Variants in HS6ST1 observed in about 807,000 individuals in gnomAD.
HS6ST1 encodes the protein heparan-sulfate 6-O-sulfotransferase 1.
Under a neutral mutation model 25.2 loss-of-function variants are expected in HS6ST1, and 3 were observed. That is an observed-to-expected ratio of 0.12 (90% CI 0.05 to 0.31). HS6ST1 has a LOEUF of 0.31. Among genes scored for constraint, HS6ST1 ranks in the 10% least tolerant of loss-of-function variants. The pLI is 1.00. For synonymous variants in HS6ST1, 204 were observed against 275.1 expected, an observed-to-expected ratio of 0.74 and a Z score of 2.56; for missense variants, 310 against 609.6, an observed-to-expected ratio of 0.51 and a Z score of 5.18.
At chr2:128,305,779 G>A (rs1165042039) in intron 1 of HS6ST1, among the ~76,000 whole-genome samples, 1 of 152,232 alleles carries the variant, frequency 6.6e-6, no homozygotes, top group Non-Finnish European at 1.5e-5. Context: ...CTTCCAGCAG[G>A]CCACTCATTC....
At chr2:128,290,532 C>G (rs1446939872) in intron 1 of HS6ST1, among the ~76,000 whole-genome samples, 1 of 152,032 alleles carries the variant, frequency 6.6e-6, no homozygotes, top group Admixed American at 6.6e-5. Flanking sequence ...ACTTAGTAAC[C>G]CCAGGTATGC....
rs57754041 is a variant in HS6ST1, at chr2:128,290,817, C to CAAAAAAA, written c.528-21954_528-21948dup. 9.4e-4 allele frequency among the ~76,000 whole-genome samples: 57 copies of CAAAAAAA among 60,544 alleles called. 2 individuals are homozygous for CAAAAAAA. Among genetic ancestry groups the CAAAAAAA allele is most frequent in the African/African-American group, 2.0e-3 (28 of 14,108 alleles). The allele number at this position is 60,544 out of a possible 152,430, so 39.7% of individuals were successfully genotyped here. ...CGAAACACCGTCTCTACTAAAAATA[C>CAAAAAAA]AAAAAAAAAAAAAAAAAAAAAAAAA... On this transcript the variant is annotated intron_variant, in intron 1 of 1. Transcript: ENST00000259241.
chr2:128,306,239 C>T lies in HS6ST1; in HGVS notation c.527+11798G>A, dbSNP rs1694205487. On this transcript the variant is annotated intron_variant, in intron 1 of 1. Transcript: ENST00000259241. ...CAGGGCTAGCACGCTGGTGTCACTCCACAGGACAGTGCCTTCCCTGGCTTT... is the reference window on the plus strand; with the variant it reads ...CAGGGCTAGCACGCTGGTGTCACTCTACAGGACAGTGCCTTCCCTGGCTTT... Among the ~76,000 whole-genome samples, 3 of 152,282 alleles carry T rather than the reference C, an allele frequency of 2.0e-5. No homozygotes were observed. In the South Asian group the frequency reaches 6.2e-4, roughly 32 times the overall value.
intron 1 of HS6ST1, among the ~76,000 whole-genome samples, chr2:128,272,212 C>CCCCAT (rs1485408598): frequency 2.0e-5 from 3 of 152,220 alleles, no homozygotes; most frequent in Non-Finnish European, 4.4e-5. Flanking sequence ...TGGCCTGGTG[C>CCCCAT]CCCCTCCCCT....
At chr2:128,277,639 G>A (rs1273346303) in intron 1 of HS6ST1, among the ~76,000 whole-genome samples, 2 of 152,220 alleles carry the variant, frequency 1.3e-5, no homozygotes, top group East Asian at 1.9e-4. Context: ...CTCCGAGGAG[G>A]GTGAGGACAT....
intron 1 of HS6ST1, among the ~76,000 whole-genome samples, chr2:128,315,070 C>T (rs990978880): frequency 6.6e-6 from 1 of 152,226 alleles, no homozygotes; most frequent in Non-Finnish European, 1.5e-5. Flanking sequence ...GGGATGGCCA[C>T]ACCTCTTTAA....
intron 1 of HS6ST1, among the ~76,000 whole-genome samples, chr2:128,285,148 TC>T (rs1455138283): frequency 6.6e-6 from 1 of 152,182 alleles, no homozygotes; most frequent in Non-Finnish European, 1.5e-5. Context: ...GGGGCAGCAG[TC>T]CCCATCTAGC....
At chr2:128,307,918 CCAAG>C (rs1694236292) in intron 1 of HS6ST1, among the ~76,000 whole-genome samples, 1 of 152,178 alleles carries the variant, frequency 6.6e-6, no homozygotes. Context: ...TGCATTAGAA[CCAAG>C]CAGAGATCCG....
At chr2:128,296,369 G>T (rs908086947) in intron 1 of HS6ST1, among the ~76,000 whole-genome samples, 13 of 152,032 alleles carry the variant, frequency 8.6e-5, no homozygotes, top group African/African-American at 2.9e-4. Flanking sequence ...TGAGCAATCA[G>T]GTAAGAAAAA....
At chr2:128,303,973 CCT>C (rs1175738646) in intron 1 of HS6ST1, among the ~76,000 whole-genome samples, 1 of 152,204 alleles carries the variant, frequency 6.6e-6, no homozygotes, top group Non-Finnish European at 1.5e-5. Context: ...GGGTGAATCT[CCT>C]CTCTCTTCTG....
intron 1 of HS6ST1, among the ~76,000 whole-genome samples, chr2:128,274,194 G>A (rs1480750952): frequency 2.0e-5 from 3 of 152,204 alleles, no homozygotes; most frequent in Admixed American, 6.5e-5. Flanking sequence ...GATGATGACA[G>A]AAATAACCAG....
intron 1 of HS6ST1, among the ~76,000 whole-genome samples, chr2:128,305,857 GAC>G (rs2104933712): frequency 6.6e-6 from 1 of 152,302 alleles, no homozygotes; most frequent in African/African-American, 2.4e-5. Flanking sequence ...CACCATCCTG[GAC>G]TCCCTGGCGA....
chr2:128,302,338 T>G (rs77178167), intron 1 of HS6ST1, among the ~76,000 whole-genome samples: 11,397 of 152,238 alleles, frequency 0.075, 606 homozygotes, highest in Non-Finnish European at 0.098. Flanking sequence ...GGCGTGCATG[T>G]GTGTCTGCAT....
chr2:128,296,504 T>C (rs1205105044), intron 1 of HS6ST1, among the ~76,000 whole-genome samples: 2 of 152,240 alleles, frequency 1.3e-5, no homozygotes, highest in Admixed American at 1.3e-4. Context: ...TTAGAGCTAA[T>C]AAACTAACTT....
intron 1 of HS6ST1, among the ~76,000 whole-genome samples, chr2:128,276,905 G>C (rs936267278): frequency 2.6e-5 from 4 of 152,280 alleles, no homozygotes; most frequent in South Asian, 4.1e-4. Context: ...AGCAAGACAG[G>C]CTCCACAAAA....
chr2:128,268,990 A>G, intron 1 of HS6ST1, 120 bp from the exon 2 acceptor site: 1 of 761,980 alleles, frequency 1.3e-6, no homozygotes, highest in Non-Finnish European at 2.3e-6. Context: ...ATGCCAACCA[A>G]CTCCTGCACT....
chr2:128,275,748 C>T (rs1044564097), intron 1 of HS6ST1, among the ~76,000 whole-genome samples: 6 of 152,276 alleles, frequency 3.9e-5, no homozygotes, highest in Middle Eastern at 3.4e-3. Context: ...CGGATGTGAA[C>T]GAGACGGTGA....
At position 128,288,413 on chromosome 2, in the gene HS6ST1, G is replaced by A. The variant is rs566400678; in HGVS notation, c.528-19543C>T. Among the ~76,000 whole-genome samples, 68 of 152,298 alleles carry A rather than the reference G, an allele frequency of 4.5e-4. 1 individual carries two copies. The highest frequency in any genetic ancestry group is 1.6e-3 in the African/African-American group (67 of 41,564). On this transcript the variant is annotated intron_variant, in intron 1 of 1. Transcript: ENST00000259241. ...CCAGCCAGCACGACTTGATACCTAC[G>A]CCCGGTGACTCCATGGCAGTAGAAA...
At chr2:128,313,352 G>A (rs769777210) in intron 1 of HS6ST1, among the ~76,000 whole-genome samples, 1 of 152,084 alleles carries the variant, frequency 6.6e-6, no homozygotes, top group Non-Finnish European at 1.5e-5. Flanking sequence ...GCCAACCAGC[G>A]GTGGCACACT....
Sources: allele counts gnomAD v4.1 joint callset (sites outside exome capture counted in the v4.1 genomes callset), GRCh38; gene constraint gnomAD v4.1.1; transcripts MANE v1.5; gene names NCBI Gene and HGNC (gene_info 2026-07-23, HGNC 2026-07-21).